CNTN5: variants seen among roughly 807,000 people sequenced by gnomAD.
CNTN5 encodes contactin 5, also known as contactin-5.
Under a neutral mutation model 129.1 loss-of-function variants are expected in CNTN5, and 77 were observed. The ratio of observed to expected loss-of-function variants is 0.60; its 90% CI spans 0.50 to 0.72. CNTN5 has a LOEUF of 0.72. Among genes scored for constraint, CNTN5 ranks in the 30% least tolerant of loss-of-function variants. The pLI is 0.00. For synonymous variants in CNTN5, 509 were observed against 465.6 expected (o/e 1.09, Z -1.20); for missense variants, 1,478 against 1,328.8 (o/e 1.11, Z -1.75).
chr11:99,237,313 A>G (rs1057124458), intron 1 of CNTN5, among the ~76,000 whole-genome samples: 1 of 152,140 alleles, frequency 6.6e-6, no homozygotes, highest in African/African-American at 2.4e-5. Flanking sequence ...GGAATCCTTT[A>G]TCTTGCAGAA....
intron 15 of CNTN5, among the ~76,000 whole-genome samples, chr11:100,195,520 T>A (rs965936270): frequency 1.3e-5 from 2 of 151,950 alleles, no homozygotes; most frequent in Admixed American, 1.3e-4. Context: ...GGACTCCTTA[T>A]TCCACGCAAA....
intron 3 of CNTN5, among the ~76,000 whole-genome samples, chr11:99,724,483 G>A (rs1943272189): frequency 6.6e-6 from 1 of 152,136 alleles, no homozygotes; most frequent in Non-Finnish European, 1.5e-5. Context: ...AGTGCTCAAT[G>A]CCAAACATTG....
At chr11:99,701,219 G>A (rs114309177) in intron 3 of CNTN5, among the ~76,000 whole-genome samples, 1 of 151,354 alleles carries the variant, frequency 6.6e-6, no homozygotes, top group African/African-American at 2.4e-5. Context: ...GATAAAGAAT[G>A]CAAATGAGCT....
intron 2 of CNTN5, among the ~76,000 whole-genome samples, chr11:99,328,673 C>T (rs989328853): frequency 6.6e-6 from 1 of 151,732 alleles, no homozygotes; most frequent in South Asian, 2.1e-4. Flanking sequence ...GAGTTTGAGA[C>T]CAGCTTGACC....
chr11:100,054,359 A>C (rs926416292), intron 9 of CNTN5, among the ~76,000 whole-genome samples: 3 of 151,812 alleles, frequency 2.0e-5, no homozygotes, highest in Admixed American at 1.3e-4. Context: ...ATACTGACCA[A>C]GGTCCCACAT....
At chr11:99,339,836 G>T (rs1289712243) in intron 2 of CNTN5, among the ~76,000 whole-genome samples, 2 of 151,558 alleles carry the variant, frequency 1.3e-5, no homozygotes, top group Non-Finnish European at 2.9e-5. Flanking sequence ...GATTGGACTA[G>T]AGAAGAGTGA....
intron 1 of CNTN5, among the ~76,000 whole-genome samples, chr11:99,073,184 T>C (rs1384522750): frequency 6.6e-6 from 1 of 152,098 alleles, no homozygotes; most frequent in Non-Finnish European, 1.5e-5. Context: ...CTAAGCATTC[T>C]TGTAAATTTT....
chr11:99,247,363 G>C (rs974614715), intron 1 of CNTN5, among the ~76,000 whole-genome samples: 2 of 152,016 alleles, frequency 1.3e-5, no homozygotes, highest in African/African-American at 2.4e-5. Context: ...TCCAAAGTCT[G>C]ATGTACCATA....
chr11:99,636,742 C>T lies in CNTN5; in HGVS notation c.55+80473C>T, dbSNP rs977773881. ...AAAAAGTAAATGACTCAGCTGGGCG[C>T]GGTGGCTCATACCTGTAATCTCAGC... On this transcript the variant is annotated intron_variant, in intron 3 of 24. Transcript: ENST00000524871. Among the ~76,000 whole-genome samples the T allele has an allele frequency of 4.0e-5, 6 of 150,378 alleles. No individual in the cohort carries two copies. In the South Asian group the frequency reaches 8.5e-4, roughly 21 times the overall value.
intron 13 of CNTN5, among the ~76,000 whole-genome samples, chr11:100,100,778 A>G (rs1454721379): frequency 6.6e-6 from 1 of 152,144 alleles, no homozygotes; most frequent in Non-Finnish European, 1.5e-5. Context: ...TGGTTAGCAG[A>G]TATACTTATA....
At chr11:99,083,299 A>C (rs1440219645) in intron 1 of CNTN5, among the ~76,000 whole-genome samples, 1 of 151,240 alleles carries the variant, frequency 6.6e-6, no homozygotes, top group Non-Finnish European at 1.5e-5. Flanking sequence ...TTATTCACAC[A>C]TGTGTCCTCT....
intron 3 of CNTN5, among the ~76,000 whole-genome samples, chr11:99,570,386 T>C (rs765732254): frequency 7.2e-5 from 11 of 152,214 alleles, no homozygotes; most frequent in Non-Finnish European, 1.2e-4. Flanking sequence ...ATTTGTTTCA[T>C]TTATGGTTCA....
intron 6 of CNTN5, among the ~76,000 whole-genome samples, chr11:99,893,993 C>T (rs1320080182): frequency 6.6e-6 from 1 of 151,988 alleles, no homozygotes; most frequent in Non-Finnish European, 1.5e-5. Flanking sequence ...CACTGCCTTG[C>T]CAGGGTTTTT....
chr11:99,679,774 G>A (rs961606273), intron 3 of CNTN5, among the ~76,000 whole-genome samples: 3 of 152,206 alleles, frequency 2.0e-5, no homozygotes, highest in African/African-American at 4.8e-5. Context: ...ACACTTAGGC[G>A]GGCATGGCGA....
At chr11:100,115,149 A>G (rs950186535) in intron 13 of CNTN5, among the ~76,000 whole-genome samples, 9 of 150,834 alleles carry the variant, frequency 6.0e-5, no homozygotes, top group East Asian at 3.9e-4. Flanking sequence ...AGAAAGAAAG[A>G]AAGAGACTCT....
intron 21 of CNTN5, chr11:100,336,940 C>A: frequency 3.0e-6 from 2 of 667,194 alleles, no homozygotes; most frequent in South Asian, 1.6e-5. Flanking sequence ...GGCTTTGGAT[C>A]GCGGGCACCT....
intron 2 of CNTN5, among the ~76,000 whole-genome samples, chr11:99,375,947 G>A (rs753515017): frequency 2.6e-5 from 4 of 151,956 alleles, no homozygotes; most frequent in East Asian, 1.9e-4. Context: ...ATGGAATATC[G>A]ACTTGGATCA....
At chr11:99,947,404 C>G (rs558981935) in intron 7 of CNTN5, among the ~76,000 whole-genome samples, 78 of 151,190 alleles carry the variant, frequency 5.2e-4, no homozygotes, top group African/African-American at 1.8e-3. Context: ...AGAAAATAAA[C>G]CATTTCAGTG....
At chr11:99,886,135 T>C (rs1948896104) in intron 6 of CNTN5, among the ~76,000 whole-genome samples, 1 of 152,048 alleles carries the variant, frequency 6.6e-6, no homozygotes. Context: ...AGATAAAACA[T>C]ATAGAAATAT....
Sources: gnomAD v4.1 joint callset for allele counts (sites outside exome capture counted in the v4.1 genomes callset) on GRCh38, gnomAD v4.1.1 for gene constraint, MANE v1.5 for transcripts, NCBI Gene and HGNC (gene_info 2026-07-23, HGNC 2026-07-21) for gene names.